SNX8: variants seen among roughly 807,000 people sequenced by gnomAD.
SNX8 encodes the protein sorting nexin-8.
A neutral mutation model predicts 51.6 loss-of-function variants in SNX8; 25 were observed. That is an observed-to-expected ratio of 0.48 (90% CI 0.35 to 0.68). SNX8 has a LOEUF of 0.68. Ranked by LOEUF, SNX8 falls within the 30% of genes least tolerant of loss-of-function variation. The pLI, the probability that SNX8 is intolerant of heterozygous loss-of-function variation, is 0.00. For synonymous variants in SNX8, 324 were observed against 277.0 expected (o/e 1.17, Z -1.68); for missense variants, 695 against 624.0 (o/e 1.11, Z -1.21).
intron 1 of SNX8, among the ~76,000 whole-genome samples, chr7:2,310,748 G>A (rs370258369): frequency 6.5e-5 from 9 of 138,078 alleles, no homozygotes; most frequent in African/African-American, 2.4e-4. Context: ...TCCAGCCTGG[G>A]CAAAAGAGTG....
chr7:2,322,744 C>T (rs1778548855), intron 1 of SNX8, among the ~76,000 whole-genome samples: 1 of 151,518 alleles, frequency 6.6e-6, no homozygotes, highest in Non-Finnish European at 1.5e-5. Flanking sequence ...AGGCCAGGTG[C>T]TATGGGTCAC....
intron 1 of SNX8, among the ~76,000 whole-genome samples, chr7:2,345,943 G>C (rs552997898): frequency 5.9e-5 from 9 of 152,016 alleles, no homozygotes; most frequent in Non-Finnish European, 1.2e-4. Context: ...GAGTAGCTGG[G>C]ATTATAGGCA....
chr7:2,338,244 C>G (rs1267703547), intron 1 of SNX8, among the ~76,000 whole-genome samples: 4 of 151,946 alleles, frequency 2.6e-5, no homozygotes, highest in Non-Finnish European at 4.4e-5. Context: ...GGGCGGATCA[C>G]GAGGTCAGGA....
chr7:2,315,578 T>C (rs1796740321), upstream of SNX8, among the ~76,000 whole-genome samples: 1 of 150,610 alleles, frequency 6.6e-6, no homozygotes, highest in East Asian at 2.0e-4. Flanking sequence ...CACTGCATCC[T>C]GCATTCATTC....
chr7:2,324,447 C>T (rs943677023), intron 1 of SNX8, among the ~76,000 whole-genome samples: 3 of 151,726 alleles, frequency 2.0e-5, no homozygotes, highest in Non-Finnish European at 4.4e-5. Context: ...TGCGCCACCA[C>T]GCCTGGCTAA....
intron 1 of SNX8, among the ~76,000 whole-genome samples, chr7:2,290,803 C>G (rs1337933756): frequency 6.6e-6 from 1 of 152,150 alleles, no homozygotes; most frequent in Non-Finnish European, 1.5e-5. Context: ...GTGACCTCCG[C>G]ACAAAGCAGA....
At chr7:2,264,010 G>A (rs1427262529) in intron 6 of SNX8, among the ~76,000 whole-genome samples, 1 of 152,082 alleles carries the variant, frequency 6.6e-6, no homozygotes, top group Non-Finnish European at 1.5e-5. Flanking sequence ...CACCACGCCT[G>A]GCCTGGGATC....
intron 1 of SNX8, among the ~76,000 whole-genome samples, chr7:2,288,773 G>A (rs990916357): frequency 7.2e-5 from 11 of 152,198 alleles, no homozygotes; most frequent in Middle Eastern, 3.4e-3. Flanking sequence ...TCACTCTGTC[G>A]CCCAGGCTGG....
intron 1 of SNX8, among the ~76,000 whole-genome samples, chr7:2,335,336 C>A (rs111516136): frequency 5.9e-5 from 9 of 152,214 alleles, no homozygotes; most frequent in African/African-American, 2.2e-4. Context: ...CAGACACAGG[C>A]AACAAGGAGA....
chr7:2,256,925 G>C lies in SNX8; in HGVS notation c.1233C>G (p.Thr411=). The change falls in exon 10 of 11, where the codon ACC becomes ACG. Residue 411 remains threonine (T), a synonymous_variant. Coordinates refer to ENST00000222990, the MANE Select transcript of SNX8 (RefSeq NM_013321.4). ...TQLIHVYLPL[T]SHILRAFVNS... ...TGACGAAGGCGCGGAGGATGTGGGA[G>C]GTGAGGGGCAGGTAGACGTGGATGA... The C allele has an allele frequency of 6.2e-7, 1 of 1,613,776 alleles. No homozygotes were observed. The highest frequency in any genetic ancestry group is 8.5e-7 in the Non-Finnish European group (1 of 1,179,902).
At position 2,321,719 on chromosome 7, in the gene SNX8, T is replaced by C. The variant is rs572153396; in HGVS notation, c.-66+32503A>G. On this transcript the variant is annotated intron_variant, in intron 1 of 5. Transcript: ENST00000435336. ...GTGAGCCACCGCGCCCGGCCTTTTT[T>C]TTTTTTTTTTTTTTGAGACAGAGTC... Among the ~76,000 whole-genome samples the C allele has an allele frequency of 4.0e-4, 58 of 143,844 alleles. 3 individuals carry two copies. The South Asian group carries it at 6.7e-3, about 17-fold the overall frequency. The allele number at this position is 143,844 out of a possible 152,430, so 94.4% of individuals were successfully genotyped here.
At chr7:2,348,239 G>C (rs1227263053) in intron 1 of SNX8, among the ~76,000 whole-genome samples, 1 of 151,844 alleles carries the variant, frequency 6.6e-6, no homozygotes, top group African/African-American at 2.4e-5. Context: ...ACCTAAATGG[G>C]TCCAAGCTAC....
intron 1 of SNX8, among the ~76,000 whole-genome samples, chr7:2,346,810 C>T (rs1296346847): frequency 6.9e-6 from 1 of 144,504 alleles, no homozygotes; most frequent in African/African-American, 2.5e-5. Flanking sequence ...GCCACAAGTA[C>T]TCAGGAGGCT....
upstream of SNX8, chr7:2,354,446 C>A (rs937744347): frequency 1.7e-4 from 26 of 152,210 alleles, no homozygotes; most frequent in Admixed American, 1.7e-3. Flanking sequence ...TCCACTCTTC[C>A]AGGGTATTAA....
At chr7:2,313,926 C>G (rs375089510) in intron 1 of SNX8, among the ~76,000 whole-genome samples, 2 of 152,356 alleles carry the variant, frequency 1.3e-5, no homozygotes, top group East Asian at 3.9e-4. Flanking sequence ...GCGCCCAAGT[C>G]CGGGGAAGTG....
intron 1 of SNX8, among the ~76,000 whole-genome samples, chr7:2,313,281 T>C (rs1341249752): frequency 1.3e-5 from 2 of 151,556 alleles, no homozygotes; most frequent in African/African-American, 4.8e-5. Flanking sequence ...ATCCCAGCAC[T>C]CTGGGAAGCT....
upstream of SNX8, among the ~76,000 whole-genome samples, chr7:2,317,640 C>A (rs1036782646): frequency 6.6e-6 from 1 of 151,910 alleles, no homozygotes; most frequent in Admixed American, 6.6e-5. Context: ...AACCAAGAGC[C>A]CAGAACCATG....
At chr7:2,283,034 T>G (rs1795943601) in intron 1 of SNX8, among the ~76,000 whole-genome samples, 1 of 150,992 alleles carries the variant, frequency 6.6e-6, no homozygotes, top group Non-Finnish European at 1.5e-5. Context: ...GGCAGGAGAA[T>G]GGTGTGAACC....
chr7:2,351,439 A>G (rs1311231552), intron 1 of SNX8, among the ~76,000 whole-genome samples: 1 of 151,872 alleles, frequency 6.6e-6, no homozygotes, highest in African/African-American at 2.4e-5. Flanking sequence ...GTACTACCAG[A>G]TACTCAGGAA....
Sources: allele counts gnomAD v4.1 joint callset (sites outside exome capture counted in the v4.1 genomes callset), GRCh38; gene constraint gnomAD v4.1.1; transcripts MANE v1.5; gene names NCBI Gene and HGNC (gene_info 2026-07-23, HGNC 2026-07-21).